UTRN: variants seen among roughly 807,000 people sequenced by gnomAD.
UTRN encodes utrophin.
Under a neutral mutation model 463.9 loss-of-function variants are expected in UTRN, and 283 were observed. The observed-to-expected ratio is 0.61, with a 90% CI of 0.55 to 0.67. The LOEUF (loss-of-function observed/expected upper bound fraction) is 0.67, where lower values mean the gene tolerates loss of function less well. UTRN is among the 30% of genes least tolerant of loss of function. The probability of loss-of-function intolerance (pLI) is 0.00; values close to 1 mark genes in which losing one functional copy is unlikely to be tolerated. For synonymous variants in UTRN, 1,442 were observed against 1,431.5 expected (o/e 1.01, Z -0.17); for missense variants, 3,922 against 4,084.3 (o/e 0.96, Z 1.08).
At chr6:144,689,912 T>C (rs1783146282) in intron 52 of UTRN, among the ~76,000 whole-genome samples, 1 of 151,674 alleles carries the variant, frequency 6.6e-6, no homozygotes, top group Middle Eastern at 3.2e-3. Flanking sequence ...GCAGATGCTA[T>C]CATGGAGTGA....
chr6:144,304,088 GC>G (rs1362170174), intron 2 of UTRN, among the ~76,000 whole-genome samples: 1 of 152,186 alleles, frequency 6.6e-6, no homozygotes, highest in Non-Finnish European at 1.5e-5. Flanking sequence ...TTAATGTGAT[GC>G]TCTGCTGTGG....
At chr6:144,689,127 G>C (rs1783056371) in intron 52 of UTRN, among the ~76,000 whole-genome samples, 1 of 152,184 alleles carries the variant, frequency 6.6e-6, no homozygotes, top group Non-Finnish European at 1.5e-5. Flanking sequence ...GTTACATATA[G>C]AGAGGGACTG....
chr6:144,424,556 A>G (rs1785129343), intron 6 of UTRN, among the ~76,000 whole-genome samples: 1 of 152,210 alleles, frequency 6.6e-6, no homozygotes, highest in Non-Finnish European at 1.5e-5. Context: ...TATTAATTTT[A>G]GAGAACATAA....
chr6:144,768,143 A>T (rs1356798372), intron 58 of UTRN, among the ~76,000 whole-genome samples: 1 of 152,148 alleles, frequency 6.6e-6, no homozygotes, highest in Non-Finnish European at 1.5e-5. Flanking sequence ...ATTGTGTTAC[A>T]TGTTAGGCAG....
chr6:144,492,503 G>A (rs143850776), intron 32 of UTRN, among the ~76,000 whole-genome samples: 304 of 152,278 alleles, frequency 2.0e-3, no homozygotes, highest in Middle Eastern at 3.4e-3. Flanking sequence ...TGTCCTTTTG[G>A]TAGAACGATT....
rs1487581881 is a variant in UTRN at position 144,499,132 on chromosome 6, AG to A, written c.4594-123del. On this transcript the variant is annotated intron_variant, in intron 33 of 74. Coordinates refer to ENST00000367545, the MANE Select transcript of UTRN (RefSeq NM_007124.3). ...AGAGGATTCTAAGGTGCTAAGACAA[AG>A]GTTATGTATGTCTTGGGGGTTATAT... 1.6e-5 allele frequency: 16 copies of A among 1,010,832 alleles called. No individual in the cohort carries two copies. In the South Asian group the frequency reaches 3.4e-4, roughly 22 times the overall value. The allele number at this position is 1,010,832 out of a possible 1,614,324, so 62.6% of individuals were successfully genotyped here.
chr6:144,464,255 C>T lies in UTRN; in HGVS notation c.3066+1389C>T, dbSNP rs115138668. On this transcript the variant is annotated intron_variant, in intron 23 of 74. Coordinates refer to ENST00000367545, the MANE Select transcript of UTRN (RefSeq NM_007124.3). Reference sequence around the variant, plus strand: ...TGTGGAAGGGATCCAGCCAGATTCTCTGAGTGGACCACTGAATTTGGAGGG... The same window carrying T: ...TGTGGAAGGGATCCAGCCAGATTCTTTGAGTGGACCACTGAATTTGGAGGG... Among the ~76,000 whole-genome samples the T allele has an allele frequency of 2.9e-3, 437 of 152,256 alleles. 6 individuals are homozygous for T. The highest frequency in any genetic ancestry group is 0.01 in the African/African-American group (426 of 41,560).
At chr6:144,706,704 C>G (rs1043279724) in intron 53 of UTRN, 1 of 152,050 alleles carries the variant, frequency 6.6e-6, no homozygotes, top group African/African-American at 2.4e-5. Context: ...GAAAATTTTC[C>G]GTAATTTTTT....
chr6:144,613,771 TAAAG>T, intron 51 of UTRN, among the ~76,000 whole-genome samples: 1 of 151,962 alleles, frequency 6.6e-6, no homozygotes, highest in East Asian at 1.9e-4. Flanking sequence ...TATACTTCAA[TAAAG>T]CTGACAAGAA....
intron 51 of UTRN, among the ~76,000 whole-genome samples, chr6:144,596,264 C>T (rs776589274): frequency 1.1e-4 from 17 of 152,206 alleles, no homozygotes; most frequent in East Asian, 5.8e-4. Flanking sequence ...GGTTAGGGTA[C>T]GGGGCAGCTT....
chr6:144,692,548 G>A (rs1465774903), intron 52 of UTRN, among the ~76,000 whole-genome samples: 1 of 152,078 alleles, frequency 6.6e-6, no homozygotes, highest in Admixed American at 6.6e-5. Context: ...AACCTTGTCA[G>A]CATCTGTTAT....
rs78817936 is a variant in UTRN, at chr6:144,642,066, A to G, written c.7480-36340A>G. ...TATGTCCCTTTTTGAAAAGATGATGATATTTTCTTAATTACTGTCTGTGTT... is the reference window on the plus strand; with the variant it reads ...TATGTCCCTTTTTGAAAAGATGATGGTATTTTCTTAATTACTGTCTGTGTT... On this transcript the variant is annotated intron_variant, in intron 51 of 74. Transcript: ENST00000367545. Among the ~76,000 whole-genome samples the G allele has an allele frequency of 2.2e-3, 328 of 152,294 alleles. 10 individuals carry two copies. The East Asian group carries it at 0.051, about 24-fold the overall frequency.
intron 2 of UTRN, among the ~76,000 whole-genome samples, chr6:144,401,343 C>G (rs1186327766): frequency 6.6e-6 from 1 of 152,066 alleles, no homozygotes; most frequent in African/African-American, 2.4e-5. Context: ...GCTGGTATAT[C>G]CCCCCTTCAG....
At chr6:144,573,432 C>T (rs1801141522) in intron 50 of UTRN, among the ~76,000 whole-genome samples, 1 of 151,616 alleles carries the variant, frequency 6.6e-6, no homozygotes, top group South Asian at 2.1e-4. Flanking sequence ...GGTGGCACAT[C>T]CCTGTAGTTC....
chr6:144,585,757 T>G (rs745690810), intron 51 of UTRN, among the ~76,000 whole-genome samples: 16 of 152,250 alleles, frequency 1.1e-4, no homozygotes, highest in Admixed American at 2.0e-4. Context: ...ACACTGTAAA[T>G]TCCCTTCCCA....
intron 2 of UTRN, chr6:144,344,191 C>T: frequency 8.4e-6 from 11 of 1,303,174 alleles, no homozygotes; most frequent in South Asian, 2.5e-5. Flanking sequence ...TTTTCCTCAT[C>T]ATCTAAGCAG....
chr6:144,729,778 C>T (rs1788323682), intron 53 of UTRN, among the ~76,000 whole-genome samples: 1 of 152,210 alleles, frequency 6.6e-6, no homozygotes, highest in Non-Finnish European at 1.5e-5. Flanking sequence ...ATAGTAATTG[C>T]CTCAGCATGA....
intron 50 of UTRN, among the ~76,000 whole-genome samples, chr6:144,569,897 G>A (rs1800778659): frequency 6.6e-6 from 1 of 152,254 alleles, no homozygotes; most frequent in Non-Finnish European, 1.5e-5. Flanking sequence ...GTGGCTATGA[G>A]TCAAGCAATG....
chr6:144,747,901 GA>G (rs1790941072), intron 54 of UTRN, among the ~76,000 whole-genome samples: 1 of 151,992 alleles, frequency 6.6e-6, no homozygotes, highest in South Asian at 2.1e-4. Flanking sequence ...AGTGTCTTTG[GA>G]TTTTGTGTAA....
Sources: gnomAD v4.1 joint callset for allele counts (sites outside exome capture counted in the v4.1 genomes callset) on GRCh38, gnomAD v4.1.1 for gene constraint, MANE v1.5 for transcripts, NCBI Gene and HGNC (gene_info 2026-07-23, HGNC 2026-07-21) for gene names.